TMEM131: variants seen among roughly 807,000 people sequenced by gnomAD.
The protein encoded by TMEM131 is transmembrane protein 131.
A neutral mutation model predicts 211.6 loss-of-function variants in TMEM131; 66 were observed. That is an observed-to-expected ratio of 0.31 (90% CI 0.26 to 0.38). The LOEUF (loss-of-function observed/expected upper bound fraction) is 0.38. TMEM131 is among the 10% of genes least tolerant of loss of function. The pLI is 1.00. For synonymous variants in TMEM131, 844 were observed against 841.3 expected, an observed-to-expected ratio of 1.00 and a Z score of -0.06; for missense variants, 2,036 against 2,299.3, an observed-to-expected ratio of 0.89 and a Z score of 2.34.
intron 3 of TMEM131, among the ~76,000 whole-genome samples, chr2:97,903,450 C>T (rs1675940040): frequency 6.6e-6 from 1 of 152,164 alleles, no homozygotes; most frequent in Non-Finnish European, 1.5e-5. Flanking sequence ...CAAGAATCAT[C>T]AGTAGATTCT....
intron 32 of TMEM131, 95 bp downstream of exon 32, chr2:97,775,748 G>C: frequency 7.4e-7 from 1 of 1,352,916 alleles, no homozygotes; most frequent in South Asian, 1.5e-5. Flanking sequence ...CATTACTTTT[G>C]TACTAAAACC....
chr2:97,988,518 G>A (rs1680126458), intron 1 of TMEM131, among the ~76,000 whole-genome samples: 1 of 152,106 alleles, frequency 6.6e-6, no homozygotes. Flanking sequence ...GAACATAGTT[G>A]CAAATCATCT....
At chr2:97,955,668 C>G (rs1011286069) in intron 1 of TMEM131, among the ~76,000 whole-genome samples, 1 of 151,666 alleles carries the variant, frequency 6.6e-6, no homozygotes, top group Non-Finnish European at 1.5e-5. Context: ...ATATGGAAAC[C>G]AAAAAGTTAA....
At chr2:97,769,583 G>C (rs774713484) in intron 33 of TMEM131, among the ~76,000 whole-genome samples, 1 of 152,122 alleles carries the variant, frequency 6.6e-6, no homozygotes, top group Non-Finnish European at 1.5e-5. Flanking sequence ...TGAGTTGAGA[G>C]TGTTATTTAA....
chr2:97,909,894 A>G (rs946755744), intron 2 of TMEM131, among the ~76,000 whole-genome samples: 1 of 152,124 alleles, frequency 6.6e-6, no homozygotes, highest in African/African-American at 2.4e-5. Context: ...GAGCTCTTCT[A>G]TTTTCTGTAA....
intron 4 of TMEM131, among the ~76,000 whole-genome samples, chr2:97,873,850 C>G (rs184231051): frequency 6.6e-6 from 1 of 152,244 alleles, no homozygotes; most frequent in Non-Finnish European, 1.5e-5. Context: ...AGCAAGGGAA[C>G]AAAACTGGAT....
At chr2:97,914,144 A>G (rs1034345606) in intron 2 of TMEM131, among the ~76,000 whole-genome samples, 1 of 152,162 alleles carries the variant, frequency 6.6e-6, no homozygotes, top group East Asian at 1.9e-4. Context: ...TTTAACTCAC[A>G]AAAGGGGTCT....
intron 2 of TMEM131, among the ~76,000 whole-genome samples, chr2:97,919,064 G>T (rs1262896726): frequency 6.6e-6 from 1 of 152,168 alleles, no homozygotes; most frequent in Admixed American, 6.5e-5. Flanking sequence ...TCACATCACG[G>T]TGATTCACTT....
intron 1 of TMEM131, among the ~76,000 whole-genome samples, chr2:97,934,125 C>T (rs1040456861): frequency 6.6e-6 from 1 of 151,868 alleles, no homozygotes; most frequent in African/African-American, 2.4e-5. Flanking sequence ...CCCAAGGACT[C>T]AAAAAGAAAA....
In TMEM131 at chr2:97,929,347, A is replaced by C. The variant is rs79740611; in HGVS notation, c.188-1860T>G. Reference sequence around the variant, plus strand: ...ATATCCATAAACCCATATTGCTATAAATTGCTGAATAAATGGGAGAAAAGG... The same window carrying C: ...ATATCCATAAACCCATATTGCTATACATTGCTGAATAAATGGGAGAAAAGG... On this transcript the variant is annotated intron_variant, in intron 1 of 40. Coordinates refer to ENST00000186436, the MANE Select transcript of TMEM131 (RefSeq NM_015348.2). 2.9e-3 allele frequency among the ~76,000 whole-genome samples: 433 copies of C among 151,896 alleles called. 12 individuals are homozygous for C. Among genetic ancestry groups the C allele is most frequent in the African/African-American group, 0.01 (421 of 41,158 alleles).
At chr2:97,787,161 A>C (rs753410338) in intron 31 of TMEM131, among the ~76,000 whole-genome samples, 28 of 152,218 alleles carry the variant, frequency 1.8e-4, no homozygotes, top group Non-Finnish European at 3.4e-4. Flanking sequence ...GCAAAGTATG[A>C]ATTATCTATG....
intron 5 of TMEM131, among the ~76,000 whole-genome samples, chr2:97,852,440 G>A (rs960929490): frequency 6.6e-6 from 1 of 152,168 alleles, no homozygotes; most frequent in African/African-American, 2.4e-5. Flanking sequence ...CTACAGGCGT[G>A]AGCCACCACG....
At chr2:97,771,330 G>A (rs1200924257) in intron 33 of TMEM131, among the ~76,000 whole-genome samples, 1 of 152,108 alleles carries the variant, frequency 6.6e-6, no homozygotes, top group Non-Finnish European at 1.5e-5. Context: ...TAGCTTTTGG[G>A]TTCTATAGAA....
chr2:97,873,890 T>C (rs1674586741), intron 4 of TMEM131, among the ~76,000 whole-genome samples: 1 of 152,224 alleles, frequency 6.6e-6, no homozygotes, highest in Middle Eastern at 3.4e-3. Context: ...CTGACAGAAG[T>C]AGGTTTCAGA....
chr2:97,977,883 C>T (rs1243510936), intron 1 of TMEM131, among the ~76,000 whole-genome samples: 5 of 151,914 alleles, frequency 3.3e-5, no homozygotes, highest in Non-Finnish European at 4.4e-5. Context: ...GTCAGGAGTT[C>T]GAGACCAACC....
intron 1 of TMEM131, among the ~76,000 whole-genome samples, chr2:97,944,563 T>G (rs1677945865): frequency 6.6e-6 from 1 of 152,212 alleles, no homozygotes; most frequent in Non-Finnish European, 1.5e-5. Flanking sequence ...CTGCAAATGA[T>G]GTATCTGATA....
At chr2:97,832,308 G>C (rs10165306) in intron 11 of TMEM131, among the ~76,000 whole-genome samples, 1 of 152,166 alleles carries the variant, frequency 6.6e-6, no homozygotes, top group Non-Finnish European at 1.5e-5. Flanking sequence ...TATTGAAAAA[G>C]ATACTTGTTT....
At position 97,995,546 on chromosome 2, in the gene TMEM131, G is replaced by A. The variant is rs1487285246; in HGVS notation, c.117C>T (p.Ala39=). The A allele has an allele frequency of 2.2e-6, 3 of 1,336,862 alleles. No individual in the cohort carries two copies. Among genetic ancestry groups the A allele is most frequent in the Non-Finnish European group, 2.9e-6 (3 of 1,039,874 alleles). 82.8% of individuals were successfully genotyped at this position (1,336,862 alleles called of 1,614,324 possible). Reference sequence around the variant, plus strand: ...GGTGCAGCGCGCCTAGGAGGCCGGCGGCCGCGCTCCGCGGGCCCCCGCTAC... The same window carrying A: ...GGTGCAGCGCGCCTAGGAGGCCGGCAGCCGCGCTCCGCGGGCCCCCGCTAC... The part of the protein sequence containing the change: ...AARSGGPRSA[A]AGLLGALHLV... The change falls in exon 1 of 41, where the codon GCC becomes GCT. Residue 39 remains alanine (A), a synonymous_variant. Coordinates refer to ENST00000186436, the MANE Select transcript of TMEM131 (RefSeq NM_015348.2).
intron 1 of TMEM131, among the ~76,000 whole-genome samples, chr2:97,974,715 G>T (rs1296648734): frequency 7.1e-6 from 1 of 140,122 alleles, no homozygotes; most frequent in South Asian, 2.2e-4. Context: ...AAAAGAAAAA[G>T]AAAAAAAAAA....
Sources: allele counts gnomAD v4.1 joint callset (sites outside exome capture counted in the v4.1 genomes callset), GRCh38; gene constraint gnomAD v4.1.1; transcripts MANE v1.5; gene names NCBI Gene and HGNC (gene_info 2026-07-23, HGNC 2026-07-21).